AARS1: variants seen among roughly 807,000 people sequenced by gnomAD.
AARS1 encodes alanyl-tRNA synthetase 1.
Under a neutral mutation model 108.9 loss-of-function variants are expected in AARS1, and 72 were observed. The ratio of observed to expected loss-of-function variants is 0.66; its 90% CI spans 0.55 to 0.80. The LOEUF (loss-of-function observed/expected upper bound fraction) is 0.80. Ranked by LOEUF, AARS1 falls within the 30% of genes least tolerant of loss-of-function variation. AARS1 has a pLI of 0.00. For missense variants in AARS1, 1,193 were observed against 1,233.2 expected, an observed-to-expected ratio of 0.97 and a Z score of 0.49; for synonymous variants, 489 against 465.7, an observed-to-expected ratio of 1.05 and a Z score of -0.64.
At chr16:70,260,914 G>A (rs530226337) in intron 13 of AARS1, 130 bp downstream of exon 13, 194 of 683,220 alleles carry the variant, frequency 2.8e-4, no homozygotes, top group African/African-American at 2.7e-3. Flanking sequence ...CACCCGCCTC[G>A]GCCTCCCAAA....
At chr16:70,280,804 C>A (rs887039528) in intron 2 of AARS1, among the ~76,000 whole-genome samples, 5 of 152,108 alleles carry the variant, frequency 3.3e-5, no homozygotes, top group Non-Finnish European at 2.9e-5. Flanking sequence ...TTTTCTCTCA[C>A]GATAAACCTT....
chr16:70,289,090 C>G (rs1036171083), intron 1 of AARS1, among the ~76,000 whole-genome samples: 6 of 152,182 alleles, frequency 3.9e-5, no homozygotes, highest in Non-Finnish European at 8.8e-5. Context: ...CAAGGAATGG[C>G]TGGCTTACAG....
At chr16:70,271,285 T>C (rs1359783484) in intron 5 of AARS1, among the ~76,000 whole-genome samples, 6 of 151,862 alleles carry the variant, frequency 4.0e-5, no homozygotes, top group Admixed American at 6.6e-5. Flanking sequence ...TCCCAGCACT[T>C]TGGGAGGCTG....
intron 2 of AARS1, among the ~76,000 whole-genome samples, chr16:70,280,820 T>A (rs1008529177): frequency 6.6e-6 from 1 of 152,156 alleles, no homozygotes; most frequent in Non-Finnish European, 1.5e-5. Context: ...ACCTTTCAAA[T>A]GTCTTTTTCT....
At chr16:70,277,199 A>AGG in intron 2 of AARS1, 45 bp from the exon 3 acceptor site, 1 of 1,586,826 alleles carries the variant, frequency 6.3e-7, no homozygotes, top group Non-Finnish European at 8.7e-7. Context: ...GGTGCAAGTG[A>AGG]TGTCAGGTGG....
rs535910984 is a variant in AARS1, at chr16:70,276,636, A to C, written c.334-5T>G. 1 of 1,613,878 alleles carries C rather than the reference A, an allele frequency of 6.2e-7. No homozygotes were observed. The highest frequency in any genetic ancestry group is 1.3e-5 in the African/African-American group (1 of 75,064). The stretch of plus-strand genomic sequence containing the variant: ...AGCCATCTTACATGCCAATTCCTAC[A>C]AAAAGAACAGAGAGAAAGATATGGA... On this transcript the variant is annotated splice_polypyrimidine_tract_variant and splice_region_variant and intron_variant, in intron 3 of 20. Transcript: ENST00000261772.
At chr16:70,268,060 C>T (rs190399673) in intron 8 of AARS1, among the ~76,000 whole-genome samples, 12 of 152,160 alleles carry the variant, frequency 7.9e-5, no homozygotes, top group Admixed American at 2.0e-4. Flanking sequence ...CCCAGCTATT[C>T]GGAAGGCTGA....
At chr16:70,274,247 A>G (rs1960483169) in intron 4 of AARS1, among the ~76,000 whole-genome samples, 1 of 151,588 alleles carries the variant, frequency 6.6e-6, no homozygotes, top group South Asian at 2.1e-4. Context: ...AGGCTGAGAC[A>G]GGAGAATTGC....
chr16:70,269,830 G>A, intron 6 of AARS1, 67 bp from the exon 7 acceptor site: 1 of 1,596,308 alleles, frequency 6.3e-7, no homozygotes. Context: ...TGCCCAAGGA[G>A]GTTCCTGGAG....
At chr16:70,280,595 C>G (rs1960672998) in intron 2 of AARS1, among the ~76,000 whole-genome samples, 1 of 152,120 alleles carries the variant, frequency 6.6e-6, no homozygotes. Context: ...GAGAAGCATC[C>G]TAAGGGCTGC....
intron 1 of AARS1, among the ~76,000 whole-genome samples, chr16:70,288,233 G>GCTGGGACTA (rs1432456853): frequency 3.3e-5 from 5 of 151,182 alleles, no homozygotes; most frequent in African/African-American, 1.2e-4. Flanking sequence ...CTCCCGAGTA[G>GCTGGGACTA]CTGGGACTAC....
intron 1 of AARS1, among the ~76,000 whole-genome samples, chr16:70,283,824 G>A (rs770255214): frequency 2.0e-5 from 3 of 152,224 alleles, no homozygotes; most frequent in African/African-American, 4.8e-5. Context: ...TTACCAGGGA[G>A]TGGGGATGCT....
Position 70,258,150 on chromosome 16 carries a change from T to C in AARS1, c.2060A>G (p.Asp687Gly). 1 of 1,611,854 alleles carries C rather than the reference T, an allele frequency of 6.2e-7. No individual in the cohort carries two copies. Among genetic ancestry groups the C allele is most frequent in the Non-Finnish European group, 8.5e-7 (1 of 1,178,960 alleles). ...KAIQGLRAVF[D>G]ETYPDPVRVV... ...TCGCACAGGGTCAGGATAGGTCTCA[T>C]CAAACACAGCCCGTAGGCCCTGGAT... Residue 687 changes from aspartate to glycine, a missense_variant, in exon 15 of 21, where the codon GAT becomes GGT. Physicochemically the swap from Asp to Gly is moderately conservative, Grantham distance 94 (BLOSUM62 -1). Coordinates refer to ENST00000261772, the MANE Select transcript of AARS1 (RefSeq NM_001605.3).
rs1461848130 is a variant in AARS1, at chr16:70,271,907, C to A, written c.545G>T (p.Gly182Val). Residue 182 changes from glycine (G) to valine (V), a missense_variant, in exon 5 of 21, where the codon GGC (glycine) becomes GTC (valine). By Grantham distance (109) the Gly-to-Val change is moderately radical. Coordinates refer to ENST00000261772, the MANE Select transcript of AARS1 (RefSeq NM_001605.3). ...GATCTCACTGCAAGGACCACAGGGG[C>A]CCGTGTCACCCATCTCCCAGAAGTT... The part of the protein sequence containing the change: ...KDNFWEMGDT[G>V]PCGPCSEIHY... 2.5e-6 allele frequency: 4 copies of A among 1,614,114 alleles called. No individual in the cohort carries two copies. The highest frequency in any genetic ancestry group is 3.4e-6 in the Non-Finnish European group (4 of 1,180,018).
At position 70,253,800 on chromosome 16, in the gene AARS1, C is replaced by G. The variant is rs1377534422; in HGVS notation, c.2521G>C (p.Val841Leu). ...ATGAACTGCTTCGTCTTCTCTAACA[C>G]CTGCAAGAAAAAAGTCCAGAACAGC... is the stretch of plus-strand genomic sequence containing the variant. ...RASKADVQKR[V>L]LEKTKQFIDS... The change falls in exon 19 of 21, where the codon GTG (valine) becomes CTG (leucine). Residue 841 changes from valine (V) to leucine (L), a missense_variant and splice_region_variant. Val to Leu is a conservative substitution (Grantham distance 32). Transcript: ENST00000261772. The G allele has an allele frequency of 6.2e-7, 1 of 1,614,082 alleles. No individual in the cohort carries two copies. Among genetic ancestry groups the G allele is most frequent in the African/African-American group, 1.3e-5 (1 of 74,932 alleles).
intron 16 of AARS1, among the ~76,000 whole-genome samples, chr16:70,255,399 T>C (rs1287745044): frequency 6.6e-6 from 1 of 151,890 alleles, no homozygotes; most frequent in African/African-American, 2.4e-5. Flanking sequence ...AGGGTTTCAG[T>C]ATGTTGGTCA....
intron 15 of AARS1, 89 bp downstream of exon 15, chr16:70,257,944 G>C (rs1454729411): frequency 3.4e-6 from 5 of 1,468,760 alleles, no homozygotes; most frequent in Non-Finnish European, 4.7e-6. Flanking sequence ...TTCAACCTTA[G>C]ACAGACAAGA....
chr16:70,267,400 C>T (rs1960288316), intron 9 of AARS1, among the ~76,000 whole-genome samples: 1 of 152,092 alleles, frequency 6.6e-6, no homozygotes, highest in Non-Finnish European at 1.5e-5. Context: ...AGAGTTGTTC[C>T]CTCTGAGAAA....
intron 1 of AARS1, among the ~76,000 whole-genome samples, chr16:70,286,837 C>T (rs949680804): frequency 4.0e-5 from 6 of 150,992 alleles, no homozygotes; most frequent in African/African-American, 9.7e-5. Context: ...AATTTTCAGC[C>T]GGGTACAGTG....
Sources: allele counts gnomAD v4.1 joint callset (sites outside exome capture counted in the v4.1 genomes callset), GRCh38; gene constraint gnomAD v4.1.1; transcripts MANE v1.5; gene names NCBI Gene and HGNC (gene_info 2026-07-23, HGNC 2026-07-21).